PRR5L: variants seen among roughly 807,000 people sequenced by gnomAD.
PRR5L encodes the protein proline-rich protein 5-like.
PRR5L carries 21 observed loss-of-function variants against 36.4 expected under a neutral mutation model. The ratio of observed to expected loss-of-function variants is 0.58; its 90% CI spans 0.41 to 0.83. The LOEUF is 0.83. PRR5L is among the 40% of genes least tolerant of loss of function. PRR5L has a pLI of 0.00. For synonymous variants in PRR5L, 188 were observed against 197.0 expected (o/e 0.95, Z 0.38); for missense variants, 381 against 473.3 (o/e 0.80, Z 1.81).
intron 8 of PRR5L, among the ~76,000 whole-genome samples, chr11:36,452,909 A>G (rs1858973364): frequency 6.6e-6 from 1 of 152,376 alleles, no homozygotes; most frequent in Admixed American, 6.5e-5. Context: ...TACATGGGTC[A>G]CACCCAGGGA....
intron 5 of PRR5L, among the ~76,000 whole-genome samples, chr11:36,434,801 G>A (rs777686232): frequency 5.9e-5 from 9 of 152,008 alleles, no homozygotes; most frequent in Non-Finnish European, 1.2e-4. Flanking sequence ...CTGTTGCTGG[G>A]TCTGTGTCTG....
intron 8 of PRR5L, among the ~76,000 whole-genome samples, chr11:36,459,464 C>T (rs1478180017): frequency 6.6e-6 from 1 of 152,194 alleles, no homozygotes; most frequent in Non-Finnish European, 1.5e-5. Context: ...TCTTCTCCTG[C>T]CTCTCTGACC....
Position 36,396,486 on chromosome 11 carries a change from C to T in PRR5L, c.-125-4511C>T, listed in dbSNP as rs187079618. Among the ~76,000 whole-genome samples the T allele has an allele frequency of 2.2e-3, 331 of 152,322 alleles. 1 individual carries two copies. Among genetic ancestry groups the T allele is most frequent in the African/African-American group, 6.8e-3 (283 of 41,574 alleles). On this transcript the variant is annotated intron_variant, in intron 1 of 8. Transcript: ENST00000530639. The stretch of plus-strand genomic sequence containing the variant: ...TGCTCCTCAGTGGAGTATTTCCAGA[C>T]GCTACTGCGTCACCAGAAGCAGAGG...
intron 1 of PRR5L, among the ~76,000 whole-genome samples, chr11:36,339,058 A>G (rs934440793): frequency 6.6e-6 from 1 of 152,154 alleles, no homozygotes; most frequent in Non-Finnish European, 1.5e-5. Context: ...GCCCTCTATC[A>G]TGATTGTGAG....
intron 8 of PRR5L, among the ~76,000 whole-genome samples, chr11:36,453,612 A>G (rs1262886392): frequency 6.6e-6 from 1 of 152,082 alleles, no homozygotes; most frequent in Non-Finnish European, 1.5e-5. Context: ...GCACACTGGG[A>G]GGTGCTATAG....
intron 1 of PRR5L, among the ~76,000 whole-genome samples, chr11:36,347,134 A>G (rs1478925024): frequency 6.6e-6 from 1 of 152,186 alleles, no homozygotes; most frequent in Non-Finnish European, 1.5e-5. Context: ...TACCTTGGGG[A>G]GAAAAAGGGT....
At chr11:36,368,721 G>A (rs1857169510) in intron 1 of PRR5L, among the ~76,000 whole-genome samples, 2 of 152,198 alleles carry the variant, frequency 1.3e-5, no homozygotes, top group South Asian at 4.1e-4. Flanking sequence ...AGGCATTAAA[G>A]AGATTTTCAG....
At chr11:36,449,624 G>T (rs961053439) in intron 7 of PRR5L, among the ~76,000 whole-genome samples, 1 of 152,188 alleles carries the variant, frequency 6.6e-6, no homozygotes, top group African/African-American at 2.4e-5. Flanking sequence ...CAGGCAGGGT[G>T]TGCAGCCTGT....
chr11:36,346,771 A>G (rs529495353), intron 1 of PRR5L, among the ~76,000 whole-genome samples: 2 of 152,278 alleles, frequency 1.3e-5, no homozygotes, highest in South Asian at 4.1e-4. Context: ...GGAGACCACA[A>G]TGTTTACTTA....
chr11:36,297,470 A>G (rs1173653456), intron 1 of PRR5L: 1 of 152,210 alleles, frequency 6.6e-6, no homozygotes, highest in Non-Finnish European at 1.5e-5. Flanking sequence ...TTTTTTGGCC[A>G]GAGACCAGGC....
rs369085474 is a variant in PRR5L, at chr11:36,325,596, G to C, written c.-126+29158G>C. Among the ~76,000 whole-genome samples the C allele has an allele frequency of 6.6e-5, 10 of 152,280 alleles. No homozygotes were observed. In the East Asian group the frequency reaches 1.2e-3, roughly 18 times the overall value. On this transcript the variant is annotated intron_variant, in intron 1 of 8. Coordinates refer to ENST00000530639, the MANE Select transcript of PRR5L (RefSeq NM_001160167.2). Reference sequence around the variant, plus strand: ...ATGATTGGCTATTTCTTTACCTCCTGTTTTTGCCTAATTAGCATTTTAGTG... The same window carrying C: ...ATGATTGGCTATTTCTTTACCTCCTCTTTTTGCCTAATTAGCATTTTAGTG...
intron 1 of PRR5L, among the ~76,000 whole-genome samples, chr11:36,307,595 C>A (rs149532186): frequency 7.2e-5 from 11 of 152,224 alleles, no homozygotes; most frequent in African/African-American, 2.6e-4. Flanking sequence ...AGCCAATGCA[C>A]CCTCCCAGAA....
At chr11:36,357,410 A>C (rs942387042) in intron 1 of PRR5L, among the ~76,000 whole-genome samples, 5 of 152,254 alleles carry the variant, frequency 3.3e-5, no homozygotes, top group African/African-American at 1.2e-4. Flanking sequence ...CAATGTAGGC[A>C]AACAGCTTTC....
chr11:36,458,627 G>A (rs976719307), intron 8 of PRR5L, among the ~76,000 whole-genome samples: 1 of 152,238 alleles, frequency 6.6e-6, no homozygotes, highest in Admixed American at 6.5e-5. Context: ...GCAGATGGAT[G>A]TAGGCAGGTC....
chr11:36,305,031 TCAAGAGAAATAAAAACA>T (rs1856416017), intron 1 of PRR5L, among the ~76,000 whole-genome samples: 1 of 152,086 alleles, frequency 6.6e-6, no homozygotes, highest in South Asian at 2.1e-4. Flanking sequence ...AGGTATATAC[TCAAGAGAAATAAAAACA>T]CATGTTGCCA....
At chr11:36,341,827 G>A (rs922061803) in intron 1 of PRR5L, among the ~76,000 whole-genome samples, 4 of 152,174 alleles carry the variant, frequency 2.6e-5, no homozygotes. Context: ...TGTCAGGTGG[G>A]CTTTGCAAGG....
intron 8 of PRR5L, among the ~76,000 whole-genome samples, chr11:36,453,741 G>A (rs978083039): frequency 2.0e-4 from 30 of 152,276 alleles, no homozygotes; most frequent in Middle Eastern, 3.4e-3. Flanking sequence ...GAAAGTACAG[G>A]GGCCACGGGT....
chr11:36,462,298 T>C, intron 8 of PRR5L, 44 bp from the exon 9 acceptor site: 1 of 1,480,224 alleles, frequency 6.8e-7, no homozygotes, highest in Non-Finnish European at 9.0e-7. Context: ...TAAGCACCAA[T>C]ACCCCCTCCC....
chr11:36,355,163 G>C (rs930592482), intron 1 of PRR5L, among the ~76,000 whole-genome samples: 1 of 152,178 alleles, frequency 6.6e-6, no homozygotes, highest in East Asian at 1.9e-4. Context: ...ACAGGTTTAC[G>C]AATTGATCCA....
Sources: allele counts gnomAD v4.1 joint callset (sites outside exome capture counted in the v4.1 genomes callset), GRCh38; gene constraint gnomAD v4.1.1; transcripts MANE v1.5; gene names NCBI Gene and HGNC (gene_info 2026-07-23, HGNC 2026-07-21).